CTNNA3: variants seen among roughly 807,000 people sequenced by gnomAD.
CTNNA3 encodes catenin alpha 3.
In CTNNA3, 76 loss-of-function variants were observed where a neutral mutation model predicts 95.7. That is an observed-to-expected ratio of 0.79 (90% CI 0.66 to 0.96). The LOEUF is 0.96. CTNNA3 is among the 40% of genes least tolerant of loss of function. The pLI is 0.00. For missense variants in CTNNA3, 1,191 were observed against 1,089.8 expected, an observed-to-expected ratio of 1.09 and a Z score of -1.31; for synonymous variants, 431 against 374.4, an observed-to-expected ratio of 1.15 and a Z score of -1.74.
intron 9 of CTNNA3, among the ~76,000 whole-genome samples, chr10:66,641,451 A>G (rs1248757459): frequency 6.6e-6 from 1 of 152,148 alleles, no homozygotes; most frequent in Non-Finnish European, 1.5e-5. Flanking sequence ...CTCCTAACCC[A>G]CAGAAACTAT....
chr10:67,359,338 C>T (rs1349125312), intron 5 of CTNNA3, among the ~76,000 whole-genome samples: 1 of 151,868 alleles, frequency 6.6e-6, no homozygotes, highest in Non-Finnish European at 1.5e-5. Context: ...CAGAGTGTTT[C>T]CTTACCTTCA....
intron 5 of CTNNA3, among the ~76,000 whole-genome samples, chr10:67,371,505 T>C (rs1212085878): frequency 6.6e-6 from 1 of 152,000 alleles, no homozygotes; most frequent in Non-Finnish European, 1.5e-5. Flanking sequence ...TTGCAATAGT[T>C]TGCTGAGAAT....
At chr10:66,386,625 G>T (rs1171751591) in intron 11 of CTNNA3, among the ~76,000 whole-genome samples, 1 of 152,094 alleles carries the variant, frequency 6.6e-6, no homozygotes, top group Non-Finnish European at 1.5e-5. Flanking sequence ...CCAAAAAAGA[G>T]CCCACATTGC....
At chr10:66,447,503 C>G (rs936500276) in intron 11 of CTNNA3, among the ~76,000 whole-genome samples, 7 of 148,876 alleles carry the variant, frequency 4.7e-5, no homozygotes, top group African/African-American at 1.8e-4. Flanking sequence ...CAGAACAGAG[C>G]CCTCAGAAAT....
At chr10:66,365,327 T>C (rs555322792) in intron 12 of CTNNA3, among the ~76,000 whole-genome samples, 1 of 151,628 alleles carries the variant, frequency 6.6e-6, no homozygotes, top group Admixed American at 6.6e-5. Context: ...TAAGTGGGAG[T>C]TGAACAATGA....
chr10:66,831,751 G>C (rs938852027), intron 7 of CTNNA3, among the ~76,000 whole-genome samples: 1 of 151,842 alleles, frequency 6.6e-6, no homozygotes, highest in Non-Finnish European at 1.5e-5. Context: ...AAGGGAAAGA[G>C]GGAAGAAGGG....
chr10:67,181,447 G>C (rs1862538332), intron 6 of CTNNA3, among the ~76,000 whole-genome samples: 1 of 152,110 alleles, frequency 6.6e-6, no homozygotes, highest in Non-Finnish European at 1.5e-5. Flanking sequence ...TGTGAGAATT[G>C]AAGAAAGAGA....
intron 17 of CTNNA3, among the ~76,000 whole-genome samples, chr10:65,928,296 A>T (rs1190277450): frequency 2.0e-5 from 3 of 152,120 alleles, no homozygotes; most frequent in Non-Finnish European, 4.4e-5. Context: ...AAATAAATTG[A>T]TCATTTATGT....
chr10:67,114,843 T>G lies in CTNNA3; in HGVS notation c.1047+65474A>C, dbSNP rs954474212. Among the ~76,000 whole-genome samples, 4 of 152,056 alleles carry G rather than the reference T, an allele frequency of 2.6e-5. No homozygotes were observed. In the East Asian group the frequency reaches 7.7e-4, roughly 29 times the overall value. On this transcript the variant is annotated intron_variant, in intron 7 of 17. Coordinates refer to ENST00000433211, the MANE Select transcript of CTNNA3 (RefSeq NM_013266.4). The stretch of plus-strand genomic sequence containing the variant: ...GGGTACAATTCAATTACCTCTTTTT[T>G]TAAAAAAATCTCAGATCTTGGCTTG...
intron 15 of CTNNA3, among the ~76,000 whole-genome samples, chr10:66,017,692 T>C (rs2079121282): frequency 6.6e-6 from 1 of 152,132 alleles, no homozygotes; most frequent in Non-Finnish European, 1.5e-5. Context: ...ATCCTAAATA[T>C]CACTTAATCA....
At chr10:67,580,368 A>T (rs1457635875) in intron 3 of CTNNA3, among the ~76,000 whole-genome samples, 2 of 151,546 alleles carry the variant, frequency 1.3e-5, no homozygotes, top group African/African-American at 4.9e-5. Flanking sequence ...ATGGTTGTAG[A>T]TGTGTGTGGT....
intron 11 of CTNNA3, among the ~76,000 whole-genome samples, chr10:66,506,776 G>T (rs1840464275): frequency 6.6e-6 from 1 of 152,030 alleles, no homozygotes; most frequent in Non-Finnish European, 1.5e-5. Context: ...CAATTTAAAA[G>T]ATATATTTGT....
At chr10:66,168,974 T>C (rs1416548690) in intron 13 of CTNNA3, among the ~76,000 whole-genome samples, 1 of 152,202 alleles carries the variant, frequency 6.6e-6, no homozygotes, top group Non-Finnish European at 1.5e-5. Flanking sequence ...TAGAAATTAC[T>C]TTTCCCTCAC....
intron 5 of CTNNA3, among the ~76,000 whole-genome samples, chr10:67,423,889 G>C (rs1039207213): frequency 7.9e-5 from 12 of 152,080 alleles, no homozygotes; most frequent in Admixed American, 7.2e-4. Flanking sequence ...AAAAACGAAA[G>C]TGCCTCAAAA....
intron 7 of CTNNA3, among the ~76,000 whole-genome samples, chr10:67,018,739 G>A (rs2133065384): frequency 6.6e-6 from 1 of 152,286 alleles, no homozygotes; most frequent in African/African-American, 2.4e-5. Context: ...ATTAATTAAG[G>A]TTTTGTTGTG....
chr10:66,374,451 G>A (rs757687800), intron 12 of CTNNA3, among the ~76,000 whole-genome samples: 7 of 152,074 alleles, frequency 4.6e-5, no homozygotes, highest in Admixed American at 1.3e-4. Flanking sequence ...CAAAGCCTTA[G>A]AAGCTCAATT....
chr10:66,384,060 A>G (rs1197291293), intron 11 of CTNNA3, among the ~76,000 whole-genome samples: 1 of 152,202 alleles, frequency 6.6e-6, no homozygotes, highest in Non-Finnish European at 1.5e-5. Flanking sequence ...ATAGCCAGCG[A>G]ACATCATAAT....
chr10:67,540,351 A>C (rs1299455933), intron 3 of CTNNA3, among the ~76,000 whole-genome samples: 2 of 152,040 alleles, frequency 1.3e-5, no homozygotes, highest in Non-Finnish European at 2.9e-5. Context: ...CATAATTGAT[A>C]ATTACCACAT....
At chr10:66,339,378 T>G (rs972771231) in intron 12 of CTNNA3, among the ~76,000 whole-genome samples, 1 of 151,858 alleles carries the variant, frequency 6.6e-6, no homozygotes, top group African/African-American at 2.4e-5. Context: ...AATTTCTATA[T>G]TATAAACATA....
Sources: gnomAD v4.1 joint callset for allele counts (sites outside exome capture counted in the v4.1 genomes callset) on GRCh38, gnomAD v4.1.1 for gene constraint, MANE v1.5 for transcripts, NCBI Gene and HGNC (gene_info 2026-07-23, HGNC 2026-07-21) for gene names.